Variants in KCNT1 observed in about 807,000 individuals in gnomAD.
The protein encoded by KCNT1 is potassium channel subfamily T member 1.
Under a neutral mutation model 147.8 loss-of-function variants are expected in KCNT1, and 78 were observed. The ratio of observed to expected loss-of-function variants is 0.53; its 90% CI spans 0.44 to 0.64. The LOEUF (loss-of-function observed/expected upper bound fraction) is 0.64. Ranked by LOEUF, KCNT1 falls within the 30% of genes least tolerant of loss-of-function variation. The pLI is 0.00. For missense variants in KCNT1, 1,419 were observed against 1,750.3 expected (o/e 0.81, Z 3.38); for synonymous variants, 867 against 748.8 (o/e 1.16, Z -2.58).
At chr9:135,725,996 C>T (rs546358477) in intron 2 of KCNT1, among the ~76,000 whole-genome samples, 118 of 152,240 alleles carry the variant, frequency 7.8e-4, no homozygotes, top group African/African-American at 2.8e-3. Flanking sequence ...ACCCAGGAGC[C>T]ATGGCTGTGG....
intron 1 of KCNT1, among the ~76,000 whole-genome samples, chr9:135,703,509 G>A (rs1310062362): frequency 1.3e-5 from 2 of 152,326 alleles, no homozygotes; most frequent in Admixed American, 6.5e-5. Context: ...GGGGTACAGC[G>A]TGTGTGAGGA....
At chr9:135,721,607 C>G (rs774762382) in intron 2 of KCNT1, among the ~76,000 whole-genome samples, 2 of 152,214 alleles carry the variant, frequency 1.3e-5, no homozygotes, top group Non-Finnish European at 2.9e-5. Flanking sequence ...TTCCTGGACC[C>G]CCTTGGTGTG....
At chr9:135,770,214 AG>A (rs1413378773) in intron 16 of KCNT1, 83 bp from the exon 17 acceptor site, 2 of 1,493,940 alleles carry the variant, frequency 1.3e-6, no homozygotes, top group African/African-American at 2.8e-5. Flanking sequence ...GGGGAAGCAG[AG>A]GGGGGCACCT....
In KCNT1 at chr9:135,752,780, TGATG is replaced by T. The variant is rs374571590; in HGVS notation, c.435-1136_435-1133del. Among the ~76,000 whole-genome samples the T allele has an allele frequency of 0.011, 1,564 of 137,980 alleles. 16 individuals carry two copies. The highest frequency in any genetic ancestry group is 0.024 in the South Asian group (103 of 4,214). 90.5% of individuals were successfully genotyped at this position (137,980 alleles called of 152,430 possible). A position where few individuals can be genotyped will look rare whatever the true frequency, so the allele number is the denominator to read the frequency against. On this transcript the variant is annotated intron_variant, in intron 4 of 30. Coordinates refer to ENST00000371757, the MANE Select transcript of KCNT1 (RefSeq NM_020822.3). This position sits in a 1 kb window ranked among gnomAD's most constrained non-coding sequence, Gnocchi z 5.1. The stretch of plus-strand genomic sequence containing the variant: ...ATGGAGGGATGAGTGGATGGGTGGA[TGATG>T]GATGGATGGATGGATGGATGATGCG...
chr9:135,728,399 C>G (rs1836303500), intron 2 of KCNT1, among the ~76,000 whole-genome samples: 1 of 152,228 alleles, frequency 6.6e-6, no homozygotes, highest in East Asian at 1.9e-4. Flanking sequence ...CAGAAAAGAG[C>G]CAGCGGCCAA....
intron 23 of KCNT1, 57 bp from the exon 24 acceptor site, chr9:135,779,302 C>G: frequency 1.8e-6 from 2 of 1,100,584 alleles, no homozygotes; most frequent in Non-Finnish European, 2.8e-6. Flanking sequence ...TGGGCCCCCA[C>G]CCTGAGACCT....
chr9:135,769,260 C>T (rs898333252), intron 15 of KCNT1, among the ~76,000 whole-genome samples: 9 of 135,050 alleles, frequency 6.7e-5, no homozygotes, highest in Middle Eastern at 5.0e-3. Context: ...GGGCAGGGCG[C>T]GTGTGCATGC....
At chr9:135,726,870 T>C (rs1836176582) in intron 2 of KCNT1, among the ~76,000 whole-genome samples, 1 of 115,196 alleles carries the variant, frequency 8.7e-6, no homozygotes, top group Non-Finnish European at 1.9e-5. Flanking sequence ...CCTCTCTCTT[T>C]CCCATTCTCT....
In KCNT1 at chr9:135,757,706, CA is replaced by C. The variant is rs1379132976; in HGVS notation, c.759+326del. ...GACCAGGGCCACAAACACCAGGCCA[CA>C]CGCAAACTGGGGCCACGGGGCCACA... On this transcript the variant is annotated intron_variant, in intron 9 of 30. Transcript: ENST00000371757. 2.6e-5 allele frequency among the ~76,000 whole-genome samples: 4 copies of C among 152,356 alleles called. No individual in the cohort carries two copies. The East Asian group carries it at 7.7e-4, about 29-fold the overall frequency.
chr9:135,783,239 G>A (rs547831149), intron 24 of KCNT1, among the ~76,000 whole-genome samples: 43 of 152,324 alleles, frequency 2.8e-4, no homozygotes, highest in African/African-American at 9.1e-4. Flanking sequence ...TGGAGCATCC[G>A]GCAGGTTCAC....
At chr9:135,733,959 C>A (rs546629602) in intron 2 of KCNT1, among the ~76,000 whole-genome samples, 8 of 151,274 alleles carry the variant, frequency 5.3e-5, no homozygotes, top group East Asian at 2.0e-4. Flanking sequence ...GTCCCTCCCC[C>A]CTAGTCCTTC....
At chr9:135,753,654 A>G (rs913653081) in intron 4 of KCNT1, 3 of 536,864 alleles carry the variant, frequency 5.6e-6, no homozygotes, top group African/African-American at 3.8e-5. Flanking sequence ...GCTACCCCCA[A>G]TCCCGCAGAT....
chr9:135,772,981 G>A (rs551447919), intron 19 of KCNT1, 32 bp downstream of exon 19: 4 of 1,404,912 alleles, frequency 2.8e-6, no homozygotes, highest in South Asian at 1.5e-5. Context: ...GCTCCCAGTG[G>A]GGGGAGGAGC....
chr9:135,779,999 C>T (rs1053535546), intron 24 of KCNT1, among the ~76,000 whole-genome samples: 8 of 152,260 alleles, frequency 5.3e-5, no homozygotes, highest in African/African-American at 1.9e-4. Context: ...GGGCCTGCCC[C>T]GGATCGCACA....
chr9:135,771,000 A>G lies in KCNT1; in HGVS notation c.1913A>G (p.Lys638Arg). Reference protein sequence around the residue: ...TKEENSAFIFKQEEKRKKRAF... With the variant: ...TKEENSAFIFRQEEKRKKRAF... Reference sequence around the variant, plus strand: ...GAGGAGAACTCGGCCTTCATCTTCAAGCAGGAGGAGAAGCGGAAGAAGAGG... The same window carrying G: ...GAGGAGAACTCGGCCTTCATCTTCAGGCAGGAGGAGAAGCGGAAGAAGAGG... The change falls in exon 18 of 31, where the codon AAG (lysine) becomes AGG (arginine). Residue 638 changes from lysine (K) to arginine (R), a missense_variant. This residue lies in a region of KCNT1 where 284 missense variants were observed against 292.8 expected (regional missense o/e 0.97). Transcript: ENST00000371757. 1.9e-6 allele frequency: 3 copies of G among 1,613,904 alleles called. No individual in the cohort carries two copies. Among genetic ancestry groups the G allele is most frequent in the Non-Finnish European group, 2.5e-6 (3 of 1,179,894 alleles).
intron 2 of KCNT1, among the ~76,000 whole-genome samples, chr9:135,743,038 G>T (rs1403370084): frequency 6.6e-6 from 1 of 152,146 alleles, no homozygotes; most frequent in Non-Finnish European, 1.5e-5. Context: ...CTTGGGAAAT[G>T]GGCTCCCCAG....
At chr9:135,783,904 T>C in intron 24 of KCNT1, 120 bp from the exon 25 acceptor site, 1 of 728,518 alleles carries the variant, frequency 1.4e-6, no homozygotes, top group East Asian at 2.6e-5. Context: ...CATGCACAAA[T>C]GTGCACACAG....
intron 4 of KCNT1, among the ~76,000 whole-genome samples, chr9:135,753,077 G>GATGGATGGAGGA (rs1831281946): frequency 6.9e-6 from 1 of 145,638 alleles, no homozygotes; most frequent in Non-Finnish European, 1.5e-5. Flanking sequence ...GGGATGGATG[G>GATGGATGGAGGA]ATGAGTGGAT....
intron 4 of KCNT1, among the ~76,000 whole-genome samples, chr9:135,751,682 C>A (rs764384896): frequency 1.3e-5 from 2 of 152,206 alleles, no homozygotes; most frequent in Admixed American, 1.3e-4. Flanking sequence ...CTGTGCCCAG[C>A]GTGCCTTGGC....
Sources: gnomAD v4.1 joint callset for allele counts (sites outside exome capture counted in the v4.1 genomes callset) on GRCh38, gnomAD v4.1.1 for gene constraint, gnomAD v4.1.1 regional missense constraint, Gnocchi (gnomAD v3.1) non-coding constraint, MANE v1.5 for transcripts, NCBI Gene and HGNC (gene_info 2026-07-23, HGNC 2026-07-21) for gene names.